The following CELF2 variants were observed in gnomAD, a reference collection of about 807,000 sequenced individuals.
The protein encoded by CELF2 is CUG triplet repeat RNA-binding protein 2.
A neutral mutation model predicts 62.6 loss-of-function variants in CELF2; 8 were observed. That is an observed-to-expected ratio of 0.13 (90% confidence interval 0.07 to 0.23). The LOEUF (loss-of-function observed/expected upper bound fraction) is 0.23. Ranked by LOEUF, CELF2 falls within the 10% of genes least tolerant of loss-of-function variation. The pLI is 1.00. For missense variants in CELF2, 333 were observed against 671.0 expected, an observed-to-expected ratio of 0.50 and a Z score of 5.56; for synonymous variants, 258 against 250.0, an observed-to-expected ratio of 1.03 and a Z score of -0.30.
Position 11,280,725 on chromosome 10 carries a change from G to A in CELF2, c.841+5605G>A, listed in dbSNP as rs2088172291. 6.6e-6 allele frequency among the ~76,000 whole-genome samples: 1 copy of A among 152,220 alleles called. No individual in the cohort carries two copies. Among genetic ancestry groups the A allele is most frequent in the Admixed American group, 6.5e-5 (1 of 15,288 alleles). ...AGAGGACACATGGGCCACGGCCTCT[G>A]CCTGGCTGAGTGGACAGAGGCCGCT... On this transcript the variant is annotated intron_variant, in intron 8 of 12. Coordinates refer to ENST00000633077, the MANE Select transcript of CELF2 (RefSeq NM_001326342.2). The surrounding 1 kb of genome is among the most constrained non-coding windows in gnomAD (Gnocchi z 7.6).
In CELF2 at chr10:11,267,740, T is replaced by C. The variant is rs1230699412; in HGVS notation, c.618+1063T>C. ...GCATCTCCCAAAGCATGCTGGGAGC[T>C]AAGTGATCATTATGCGTCATGTTTT... On this transcript the variant is annotated intron_variant, in intron 6 of 12. Coordinates refer to ENST00000633077, the MANE Select transcript of CELF2 (RefSeq NM_001326342.2). The surrounding 1 kb of genome is among the most constrained non-coding windows in gnomAD (Gnocchi z 4.4). 1.3e-5 allele frequency among the ~76,000 whole-genome samples: 2 copies of C among 152,212 alleles called. No homozygotes were observed. The highest frequency in any genetic ancestry group is 2.9e-5 in the Non-Finnish European group (2 of 68,034).
chr10:11,312,903 C>G (rs1591305675), intron 9 of CELF2, among the ~76,000 whole-genome samples: 1 of 152,142 alleles, frequency 6.6e-6, no homozygotes, highest in South Asian at 2.1e-4. Flanking sequence ...CACTGCACTC[C>G]AGTCTGGGCG....
At chr10:11,030,543 C>T (rs1023839629) in intron 1 of CELF2, 1 of 152,008 alleles carries the variant, frequency 6.6e-6, no homozygotes, top group African/African-American at 2.4e-5. Flanking sequence ...CGAGGTCGCA[C>T]TTCTGTTTCT....
At chr10:11,235,346 C>T (rs902276527) in intron 3 of CELF2, among the ~76,000 whole-genome samples, 6 of 152,182 alleles carry the variant, frequency 3.9e-5, no homozygotes, top group Admixed American at 6.5e-5. Flanking sequence ...TCACATATTC[C>T]TCATCTGTGT....
the CELF2 span, among the ~76,000 whole-genome samples, chr10:10,517,372 G>T: frequency 6.6e-6 from 1 of 152,150 alleles, no homozygotes; most frequent in South Asian, 2.1e-4. Context: ...CCCCTTCCTG[G>T]TATAAGAATT....
chr10:10,705,825 G>T, the CELF2 span, among the ~76,000 whole-genome samples: 4 of 152,118 alleles, frequency 2.6e-5, no homozygotes, highest in African/African-American at 4.8e-5. Flanking sequence ...GTCCCAGTTC[G>T]CCATGAACAA....
At chr10:10,694,429 C>A in the CELF2 span, among the ~76,000 whole-genome samples, 3 of 151,590 alleles carry the variant, frequency 2.0e-5, no homozygotes, top group Non-Finnish European at 4.4e-5. Flanking sequence ...GCTTTACTTC[C>A]AAGTATGTGG....
In CELF2 at chr10:11,214,111, C is replaced by T. The variant is rs1456695781; in HGVS notation, c.272-3314C>T. 1.3e-5 allele frequency among the ~76,000 whole-genome samples: 2 copies of T among 152,012 alleles called. No individual in the cohort carries two copies. Among genetic ancestry groups the T allele is most frequent in the Admixed American group, 6.6e-5 (1 of 15,262 alleles). On this transcript the variant is annotated intron_variant, in intron 2 of 12. Transcript: ENST00000633077. This position sits in a 1 kb window ranked among gnomAD's most constrained non-coding sequence, Gnocchi z 4.2. ...CCAGCCTGGGCAACATAGTGGGACC[C>T]CTATCTCTACAAAAATGTAAAAAGT...
chr10:10,691,556 C>G, the CELF2 span, among the ~76,000 whole-genome samples: 223 of 150,564 alleles, frequency 1.5e-3, no homozygotes, highest in Non-Finnish European at 1.6e-3. Context: ...TGGTATTTTA[C>G]TTCTAGATCC....
At chr10:11,129,139 G>A (rs2059209428) in intron 1 of CELF2, among the ~76,000 whole-genome samples, 1 of 152,172 alleles carries the variant, frequency 6.6e-6, no homozygotes, top group South Asian at 2.1e-4. Context: ...AGATAATCAT[G>A]TGGTTTTTGT....
intron 1 of CELF2, among the ~76,000 whole-genome samples, chr10:11,020,203 A>G (rs543058589): frequency 6.6e-6 from 1 of 152,322 alleles, no homozygotes; most frequent in South Asian, 2.1e-4. Context: ...AATGTTAGTT[A>G]TTTCCAAATG....
the CELF2 span, among the ~76,000 whole-genome samples, chr10:10,556,263 A>G: frequency 6.6e-6 from 1 of 151,348 alleles, no homozygotes; most frequent in Admixed American, 6.6e-5. Context: ...CTTCCCACCT[A>G]TGAGTGACAA....
At chr10:10,865,007 G>A (rs2060269675) in intron 1 of CELF2, among the ~76,000 whole-genome samples, 2 of 152,166 alleles carry the variant, frequency 1.3e-5, no homozygotes, top group Admixed American at 6.5e-5. Flanking sequence ...TTTGGATGCA[G>A]CAAACTTAAT....
the CELF2 span, among the ~76,000 whole-genome samples, chr10:10,782,150 C>T: frequency 6.6e-6 from 1 of 152,030 alleles, no homozygotes; most frequent in South Asian, 2.1e-4. Flanking sequence ...CCTGTGGATC[C>T]CAAGGGACAA....
chr10:10,783,960 C>G, the CELF2 span, among the ~76,000 whole-genome samples: 40 of 152,042 alleles, frequency 2.6e-4, 1 homozygote, highest in Non-Finnish European at 1.5e-5. Context: ...TGCACTCTAG[C>G]CTGGTGGCAG....
intron 2 of CELF2, among the ~76,000 whole-genome samples, chr10:11,175,759 T>G (rs584228): frequency 0.32 from 48,785 of 151,908 alleles, 8,578 homozygotes; most frequent in African/African-American, 0.47. Flanking sequence ...CGATGAAAAA[T>G]GTGGTGCCGG....
chr10:11,084,833 A>G (rs1188282806), intron 1 of CELF2, among the ~76,000 whole-genome samples: 1 of 152,210 alleles, frequency 6.6e-6, no homozygotes, highest in Non-Finnish European at 1.5e-5. Context: ...AGACCCCGCA[A>G]CAAAGAGGTC....
chr10:11,062,732 A>G (rs2067106896), intron 1 of CELF2, among the ~76,000 whole-genome samples: 1 of 152,204 alleles, frequency 6.6e-6, no homozygotes, highest in African/African-American at 2.4e-5. Context: ...TGTTGAAATG[A>G]CAAAGGATTC....
chr10:10,472,354 A>G, the CELF2 span, among the ~76,000 whole-genome samples: 4 of 151,964 alleles, frequency 2.6e-5, no homozygotes, highest in South Asian at 6.2e-4. Flanking sequence ...TTACTCTGCC[A>G]TCTCCAATCT....
Sources: allele counts gnomAD v4.1 joint callset (sites outside exome capture counted in the v4.1 genomes callset), GRCh38; gene constraint gnomAD v4.1.1; non-coding constraint Gnocchi (gnomAD v3.1); transcripts MANE v1.5; gene names NCBI Gene and HGNC (gene_info 2026-07-23, HGNC 2026-07-21).